AKAP7: variants seen among roughly 807,000 people sequenced by gnomAD.
AKAP7 encodes the protein A-kinase anchoring protein 7, also known as A kinase (PRKA) anchor protein 7.
In AKAP7, 39 loss-of-function variants were observed where a neutral mutation model predicts 39.5. That is an observed-to-expected ratio of 0.99 (90% CI 0.76 to 1.29). The LOEUF (loss-of-function observed/expected upper bound fraction) is 1.29, where lower values mean the gene tolerates loss of function less well. Ranked by LOEUF, AKAP7 falls within the 50% of genes most tolerant of loss-of-function variation. The pLI, the probability that AKAP7 is intolerant of heterozygous loss-of-function variation, is 0.00. For missense variants in AKAP7, 414 were observed against 407.7 expected (o/e 1.02, Z -0.13); for synonymous variants, 140 against 139.1 (o/e 1.01, Z -0.05).
intron 5 of AKAP7, among the ~76,000 whole-genome samples, chr6:131,195,623 A>G (rs1477219825): frequency 6.6e-6 from 1 of 152,182 alleles, no homozygotes; most frequent in Non-Finnish European, 1.5e-5. Flanking sequence ...CTTATAGAAC[A>G]GGTCTGGTGT....
intron 5 of AKAP7, among the ~76,000 whole-genome samples, chr6:131,192,825 T>C (rs547224409): frequency 6.6e-6 from 1 of 152,304 alleles, no homozygotes; most frequent in South Asian, 2.1e-4. Flanking sequence ...CCTAGGTGTT[T>C]AATTTTGTTT....
At chr6:131,268,174 T>C (rs1261107126) in intron 7 of AKAP7, among the ~76,000 whole-genome samples, 1 of 152,314 alleles carries the variant, frequency 6.6e-6, no homozygotes, top group East Asian at 1.9e-4. Context: ...TATGTGCTAT[T>C]TCTCACATAA....
chr6:131,146,979 A>G (rs906541617), intron 2 of AKAP7, among the ~76,000 whole-genome samples: 4 of 152,216 alleles, frequency 2.6e-5, no homozygotes, highest in Admixed American at 1.3e-4. Flanking sequence ...GATGAATGCC[A>G]TACAGGCTGC....
At chr6:131,175,135 G>C (rs1438146559) in intron 5 of AKAP7, among the ~76,000 whole-genome samples, 2 of 152,186 alleles carry the variant, frequency 1.3e-5, no homozygotes, top group Non-Finnish European at 2.9e-5. Context: ...CATGTTTGCT[G>C]TTGATTAAGT....
intron 2 of AKAP7, among the ~76,000 whole-genome samples, chr6:131,153,287 T>C (rs1021280071): frequency 3.9e-5 from 6 of 152,204 alleles, no homozygotes; most frequent in African/African-American, 1.4e-4. Context: ...CATCTGTCAT[T>C]AGGTATTTTA....
Position 131,147,491 on chromosome 6 carries a change from G to A in AKAP7, c.151+2075G>A, listed in dbSNP as rs1333010836. ...GCAGAACCATGTTTGTGAGTTTCAC[G>A]GCTGTTGGGGAAACCTTCACTGAAG... On this transcript the variant is annotated intron_variant, in intron 2 of 7. Transcript: ENST00000431975. Among the ~76,000 whole-genome samples, 6 of 152,138 alleles carry A rather than the reference G, an allele frequency of 3.9e-5. No homozygotes were observed. In the East Asian group the frequency reaches 9.6e-4, roughly 24 times the overall value.
chr6:131,204,206 GAGA>G (rs551955629), intron 6 of AKAP7, among the ~76,000 whole-genome samples: 241 of 152,150 alleles, frequency 1.6e-3, no homozygotes, highest in Non-Finnish European at 2.6e-3. Context: ...AATTTAAAAA[GAGA>G]AGTTCTTTAT....
upstream of AKAP7, among the ~76,000 whole-genome samples, chr6:131,133,061 T>A (rs1800363928): frequency 2.0e-5 from 3 of 152,336 alleles, 1 homozygote; most frequent in South Asian, 6.2e-4. Flanking sequence ...AATGGTAATT[T>A]TCCAATTATT....
At chr6:131,200,520 C>T (rs1807452443) in intron 6 of AKAP7, among the ~76,000 whole-genome samples, 1 of 152,020 alleles carries the variant, frequency 6.6e-6, no homozygotes, top group African/African-American at 2.4e-5. Flanking sequence ...CTAAATTTGC[C>T]ACATTTTGTA....
chr6:131,128,691 G>A, the AKAP7 span, among the ~76,000 whole-genome samples: 501 of 151,838 alleles, frequency 3.3e-3, 2 homozygotes, highest in African/African-American at 0.011. Flanking sequence ...GCGTGGTGGC[G>A]TGTGCCTGTA....
intron 5 of AKAP7, chr6:131,185,203 G>C (rs976247171): frequency 8.3e-6 from 4 of 483,422 alleles, no homozygotes; most frequent in Non-Finnish European, 1.6e-5. Flanking sequence ...GGCTTAATAG[G>C]TGGGAAGAAA....
At chr6:131,149,369 TCA>T (rs1801730336) in intron 2 of AKAP7, among the ~76,000 whole-genome samples, 1 of 152,256 alleles carries the variant, frequency 6.6e-6, no homozygotes, top group Admixed American at 6.5e-5. Flanking sequence ...GTGCCATGGC[TCA>T]CACCTGTAAT....
chr6:131,203,439 G>A (rs879625833), intron 6 of AKAP7, among the ~76,000 whole-genome samples: 2 of 152,082 alleles, frequency 1.3e-5, no homozygotes, highest in Admixed American at 6.6e-5. Flanking sequence ...AGGGAGTGGC[G>A]AAATAATAGT....
chr6:131,169,381 G>C (rs1396581515), intron 5 of AKAP7, 108 bp downstream of exon 5: 1 of 1,236,070 alleles, frequency 8.1e-7, no homozygotes, highest in Non-Finnish European at 1.2e-6. Context: ...TGATGGACTA[G>C]ACTCAAGTAT....
At chr6:131,198,648 C>T (rs1319714213) in intron 5 of AKAP7, among the ~76,000 whole-genome samples, 1 of 152,100 alleles carries the variant, frequency 6.6e-6, no homozygotes, top group Non-Finnish European at 1.5e-5. Context: ...GCTAATGGAA[C>T]AGTATTCCTG....
At chr6:131,149,593 C>A (rs1452550206) in intron 2 of AKAP7, among the ~76,000 whole-genome samples, 2 of 152,206 alleles carry the variant, frequency 1.3e-5, no homozygotes, top group African/African-American at 4.8e-5. Flanking sequence ...CGAGATTGCG[C>A]CACTGCACTC....
At chr6:131,258,421 C>T (rs1319087739) in intron 7 of AKAP7, among the ~76,000 whole-genome samples, 1 of 152,158 alleles carries the variant, frequency 6.6e-6, no homozygotes, top group African/African-American at 2.4e-5. Context: ...CAGGGAGTTC[C>T]ATAGCTAAGT....
intron 2 of AKAP7, among the ~76,000 whole-genome samples, chr6:131,154,743 C>G (rs1035175376): frequency 6.6e-6 from 1 of 151,994 alleles, no homozygotes; most frequent in Non-Finnish European, 1.5e-5. Flanking sequence ...CTGATTATGT[C>G]ATAATTTTAA....
chr6:131,276,890 A>G lies in AKAP7; in HGVS notation c.851-4640A>G, dbSNP rs116608612. 3.3e-3 allele frequency among the ~76,000 whole-genome samples: 495 copies of G among 152,242 alleles called. 2 individuals are homozygous for G. Among genetic ancestry groups the G allele is most frequent in the African/African-American group, 0.011 (473 of 41,550 alleles). On this transcript the variant is annotated intron_variant, in intron 7 of 7. Coordinates refer to ENST00000431975, the MANE Select transcript of AKAP7 (RefSeq NM_016377.4). ...TGTGTGATGGTTTCTGGAGCCCTTC[A>G]TGTGACATCAGTTAAGCTGTTGTTG...
Sources: allele counts gnomAD v4.1 joint callset (sites outside exome capture counted in the v4.1 genomes callset), GRCh38; gene constraint gnomAD v4.1.1; transcripts MANE v1.5; gene names NCBI Gene and HGNC (gene_info 2026-07-23, HGNC 2026-07-21).